Variants in FHIT observed in about 807,000 individuals in gnomAD.
FHIT encodes bis(5'-adenosyl)-triphosphatase.
Under a neutral mutation model 17.9 loss-of-function variants are expected in FHIT, and 19 were observed. That is an observed-to-expected ratio of 1.06 (90% CI 0.74 to 1.56). FHIT has a LOEUF of 1.56. Ranked by LOEUF, FHIT falls within the 40% of genes most tolerant of loss-of-function variation. The pLI is 0.00. For missense variants in FHIT, 248 were observed against 189.2 expected, an observed-to-expected ratio of 1.31 and a Z score of -1.82; for synonymous variants, 81 against 69.7, an observed-to-expected ratio of 1.16 and a Z score of -0.81.
chr3:60,504,016 C>T (rs1245273905), intron 5 of FHIT, among the ~76,000 whole-genome samples: 1 of 152,072 alleles, frequency 6.6e-6, no homozygotes, highest in Non-Finnish European at 1.5e-5. Flanking sequence ...CACAAAGTGA[C>T]GTTAATTTTA....
intron 5 of FHIT, among the ~76,000 whole-genome samples, chr3:60,527,804 C>T (rs1027018463): frequency 3.3e-5 from 5 of 152,084 alleles, no homozygotes; most frequent in Admixed American, 3.3e-4. Context: ...GGACACCCAC[C>T]CCACCGTACA....
chr3:60,643,147 T>C (rs941998289), intron 4 of FHIT, among the ~76,000 whole-genome samples: 1 of 152,086 alleles, frequency 6.6e-6, no homozygotes, highest in Non-Finnish European at 1.5e-5. Context: ...AATGAATGAG[T>C]CTTCACTGCA....
intron 2 of FHIT, among the ~76,000 whole-genome samples, chr3:61,120,858 G>A (rs1181518604): frequency 6.6e-6 from 1 of 151,968 alleles, no homozygotes; most frequent in Non-Finnish European, 1.5e-5. Flanking sequence ...AAAAAGGTTA[G>A]AGGAATTGCT....
intron 7 of FHIT, among the ~76,000 whole-genome samples, chr3:59,936,446 A>G (rs1288893901): frequency 1.7e-5 from 2 of 117,922 alleles, no homozygotes; most frequent in Admixed American, 1.7e-4. Flanking sequence ...CTATACACAT[A>G]ATTACAGTTC....
intron 4 of FHIT, among the ~76,000 whole-genome samples, chr3:60,593,078 A>C (rs1553664955): frequency 6.6e-6 from 1 of 152,106 alleles, no homozygotes; most frequent in Non-Finnish European, 1.5e-5. Flanking sequence ...ACCTTTCTCC[A>C]ACATCTAGGG....
At chr3:59,858,002 T>C (rs1316398430) in intron 8 of FHIT, among the ~76,000 whole-genome samples, 6 of 152,150 alleles carry the variant, frequency 3.9e-5, no homozygotes, top group Non-Finnish European at 7.4e-5. Context: ...CTCAGCTTTA[T>C]GGCCAGTTGG....
chr3:60,417,797 C>G (rs1030852383), intron 5 of FHIT, among the ~76,000 whole-genome samples: 1 of 152,156 alleles, frequency 6.6e-6, no homozygotes, highest in South Asian at 2.1e-4. Context: ...CTGTGATTAA[C>G]GGCCCTGGCT....
chr3:60,085,294 G>A (rs1009592846), intron 5 of FHIT, among the ~76,000 whole-genome samples: 1 of 152,098 alleles, frequency 6.6e-6, no homozygotes, highest in Non-Finnish European at 1.5e-5. Context: ...TTCTGTCCAG[G>A]TGCCTCTGAT....
rs1371966064 is a variant in FHIT, at chr3:60,524,037, C to T, written c.103+12823G>A. ...TTTATCTTTAGAGCTAAAAAGCCAA[C>T]ATGGTCAACCAGGGTCACTCATCTA... On this transcript the variant is annotated intron_variant, in intron 5 of 9. Transcript: ENST00000492590. Among the ~76,000 whole-genome samples, 6 of 152,154 alleles carry T rather than the reference C, an allele frequency of 3.9e-5. No homozygotes were observed. In the East Asian group the frequency reaches 7.7e-4, roughly 20 times the overall value.
intron 5 of FHIT, among the ~76,000 whole-genome samples, chr3:60,261,192 G>C (rs775316188): frequency 2.0e-5 from 3 of 151,976 alleles, no homozygotes; most frequent in Non-Finnish European, 2.9e-5. Context: ...TCCTAATAAA[G>C]TTGATTTCAC....
intron 5 of FHIT, among the ~76,000 whole-genome samples, chr3:60,280,663 T>A (rs536359883): frequency 1.3e-5 from 2 of 152,268 alleles, no homozygotes; most frequent in East Asian, 3.9e-4. Context: ...ACGGCCCTGC[T>A]GACACCTAGA....
At chr3:60,124,830 C>T (rs143213120) in intron 5 of FHIT, among the ~76,000 whole-genome samples, 11 of 152,248 alleles carry the variant, frequency 7.2e-5, no homozygotes, top group African/African-American at 2.6e-4. Context: ...TTTGCTCCCC[C>T]AATTTGTAAA....
chr3:60,406,360 C>A (rs1194384909), intron 5 of FHIT, among the ~76,000 whole-genome samples: 1 of 152,158 alleles, frequency 6.6e-6, no homozygotes, highest in Non-Finnish European at 1.5e-5. Context: ...AAACTCAAAG[C>A]TGTTTTATCC....
intron 1 of FHIT, among the ~76,000 whole-genome samples, chr3:61,215,682 A>G (rs1464876050): frequency 6.6e-6 from 1 of 152,186 alleles, no homozygotes; most frequent in Non-Finnish European, 1.5e-5. Flanking sequence ...AGCCCGCATC[A>G]CCAAGTCAAT....
chr3:60,288,124 G>C (rs1473051888), intron 5 of FHIT, among the ~76,000 whole-genome samples: 1 of 152,110 alleles, frequency 6.6e-6, no homozygotes, highest in East Asian at 1.9e-4. Flanking sequence ...TTACAAGGCT[G>C]GAAGTTGGCG....
At chr3:60,953,649 T>C (rs1708990803) in intron 3 of FHIT, among the ~76,000 whole-genome samples, 1 of 152,108 alleles carries the variant, frequency 6.6e-6, no homozygotes. Flanking sequence ...TCCCTTCCCA[T>C]CTCATACAAC....
intron 5 of FHIT, among the ~76,000 whole-genome samples, chr3:60,381,649 G>C (rs536710762): frequency 6.8e-4 from 104 of 152,284 alleles, no homozygotes; most frequent in African/African-American, 2.4e-3. Flanking sequence ...CGATAGTAGA[G>C]ATGACTATGT....
At chr3:60,965,218 C>G (rs904310238) in intron 3 of FHIT, among the ~76,000 whole-genome samples, 13 of 152,016 alleles carry the variant, frequency 8.6e-5, no homozygotes, top group African/African-American at 3.1e-4. Flanking sequence ...TCCACTTGAT[C>G]GAATTGGCTA....
intron 7 of FHIT, among the ~76,000 whole-genome samples, chr3:59,978,914 T>C (rs1708530103): frequency 6.6e-6 from 1 of 151,770 alleles, no homozygotes. Context: ...CAAAAGACAA[T>C]GTGTCAAGTT....
Sources: gnomAD v4.1 joint callset for allele counts (sites outside exome capture counted in the v4.1 genomes callset) on GRCh38, gnomAD v4.1.1 for gene constraint, MANE v1.5 for transcripts, NCBI Gene and HGNC (gene_info 2026-07-23, HGNC 2026-07-21) for gene names.